The following GAS6 variants were observed in gnomAD, a reference collection of about 807,000 sequenced individuals.
The protein encoded by GAS6 is growth arrest-specific protein 6.
GAS6 carries 41 observed loss-of-function variants against 75.8 expected under a neutral mutation model. The observed-to-expected ratio is 0.54, with a 90% CI of 0.42 to 0.70. The LOEUF (loss-of-function observed/expected upper bound fraction) is 0.70, where lower values mean the gene tolerates loss of function less well. Ranked by LOEUF, GAS6 falls within the 30% of genes least tolerant of loss-of-function variation. The pLI is 0.00. For synonymous variants in GAS6, 432 were observed against 412.6 expected, an observed-to-expected ratio of 1.05 and a Z score of -0.57; for missense variants, 854 against 940.2, an observed-to-expected ratio of 0.91 and a Z score of 1.20.
intron 3 of GAS6, chr13:113,847,760 A>C: frequency 2.0e-6 from 1 of 497,124 alleles, no homozygotes; most frequent in Non-Finnish European, 3.6e-6. Context: ...CCTGACAAGG[A>C]GCTGAGCCTG....
At chr13:113,838,028 G>A (rs745529921) in intron 6 of GAS6, 41 bp downstream of exon 6, 1 of 1,606,532 alleles carries the variant, frequency 6.2e-7, no homozygotes, top group East Asian at 2.2e-5. Flanking sequence ...ATAGAAGGTG[G>A]GGAGAGGAGA....
chr13:113,840,153 C>T (rs1038307146), intron 4 of GAS6: 3 of 372,326 alleles, frequency 8.1e-6, no homozygotes, highest in Middle Eastern at 7.7e-4. Flanking sequence ...TGGCGTGAGG[C>T]CTGGGAGCTC....
At chr13:113,862,824 T>C (rs904966932) in intron 2 of GAS6, among the ~76,000 whole-genome samples, 1 of 152,192 alleles carries the variant, frequency 6.6e-6, no homozygotes, top group Non-Finnish European at 1.5e-5. Context: ...GAAATCACCC[T>C]GACTTCAGGG....
At position 113,847,981 on chromosome 13, in the gene GAS6, C is replaced by A. The variant is rs374984678; in HGVS notation, c.280+45G>T. On this transcript the variant is annotated intron_variant, in intron 3 of 14. Coordinates refer to ENST00000327773, the MANE Select transcript of GAS6 (RefSeq NM_000820.4). ...TCCAACATGAAACACGCACCCCCAACTATGCCTCTACGACAACCAGAGTAG... is the reference window on the plus strand; with the variant it reads ...TCCAACATGAAACACGCACCCCCAAATATGCCTCTACGACAACCAGAGTAG... The A allele has an allele frequency of 3.8e-6, 6 of 1,577,184 alleles. No individual in the cohort carries two copies. In the African/African-American group the frequency reaches 8.1e-5, roughly 21 times the overall value.
At chr13:113,852,405 C>T (rs906011289) in intron 2 of GAS6, among the ~76,000 whole-genome samples, 1 of 152,150 alleles carries the variant, frequency 6.6e-6, no homozygotes, top group African/African-American at 2.4e-5. Flanking sequence ...GTGCCCGTTG[C>T]CCTTCGGTTT....
intron 4 of GAS6, 76 bp from the exon 5 acceptor site, chr13:113,839,926 C>A (rs949906421): frequency 1.1e-5 from 17 of 1,604,890 alleles, no homozygotes; most frequent in South Asian, 8.8e-5. Flanking sequence ...GAGATCGGGG[C>A]GGCTGTGGGG....
In GAS6 at chr13:113,837,856, G is replaced by A. The variant is rs1251954278; in HGVS notation, c.589+213C>T. On this transcript the variant is annotated intron_variant, in intron 6 of 14. Transcript: ENST00000327773. The surrounding 1 kb of genome is among the most constrained non-coding windows in gnomAD (Gnocchi z 5.1). ...GGCTGGGCCGGCCCCCTGAGTCCTG[G>A]CCCTCAGATGCCGGGTGAGTCATCC... Among the ~76,000 whole-genome samples the A allele has an allele frequency of 1.3e-5, 2 of 152,174 alleles. No homozygotes were observed. Among genetic ancestry groups the A allele is most frequent in the Non-Finnish European group, 2.9e-5 (2 of 68,020 alleles).
At chr13:113,847,221 G>A in intron 3 of GAS6, 1 of 269,390 alleles carries the variant, frequency 3.7e-6, no homozygotes, top group Non-Finnish European at 7.4e-6. Flanking sequence ...GGTGTGCTGT[G>A]GACCGCTGGC....
intron 2 of GAS6, among the ~76,000 whole-genome samples, chr13:113,854,585 G>A (rs754083557): frequency 1.1e-4 from 16 of 152,270 alleles, no homozygotes; most frequent in Non-Finnish European, 2.1e-4. Context: ...GCATGTGAGC[G>A]TGGACGCAGG....
In GAS6 at chr13:113,828,680, A is replaced by T; in HGVS notation, c.1175T>A (p.Val392Asp). The stretch of plus-strand genomic sequence containing the variant: ...GACAGCATCCCTGTTGACCTTGATG[A>T]CCAGATTCCGCGCCAGCTCCTCAAC... Reference protein sequence around the residue: ...ISVEELARNLVIKVNRDAVMK... With the variant: ...ISVEELARNLDIKVNRDAVMK... Residue 392 changes from valine (V) to aspartate (D), a missense_variant, in exon 11 of 15, where the codon GTC (valine) becomes GAC (aspartate). Val to Asp is a radical substitution (Grantham distance 152). Coordinates refer to ENST00000327773, the MANE Select transcript of GAS6 (RefSeq NM_000820.4). 1.9e-6 allele frequency: 3 copies of T among 1,613,488 alleles called. No homozygotes were observed. Among genetic ancestry groups the T allele is most frequent in the Non-Finnish European group, 2.5e-6 (3 of 1,179,978 alleles).
chr13:113,835,119 G>A (rs1185956211), intron 7 of GAS6, among the ~76,000 whole-genome samples: 1 of 152,240 alleles, frequency 6.6e-6, no homozygotes, highest in South Asian at 2.1e-4. Context: ...CCATCACTGG[G>A]GGCACGGCCC....
rs905606667 is a variant in GAS6, at chr13:113,838,151, C to G, written c.507G>C (p.Gln169His). The G allele has an allele frequency of 5.0e-6, 8 of 1,612,934 alleles. No homozygotes were observed. In the African/African-American group the frequency reaches 5.3e-5, roughly 11 times the overall value. ...AGCTACCCGGCTTGTTGTGGCAGAT[C>G]TGGAGGCAGCCCCCGTTCTCCTGGC... is the stretch of plus-strand genomic sequence containing the variant. The part of the protein sequence containing the change: ...ECSQENGGCL[Q>H]ICHNKPGSFH... Residue 169 changes from glutamine (Q) to histidine (H), a missense_variant, in exon 6 of 15, where the codon CAG (glutamine) becomes CAC (histidine). Transcript: ENST00000327773.
chr13:113,839,544 G>C, intron 5 of GAS6, 184 bp downstream of exon 5: 4 of 695,702 alleles, frequency 5.7e-6, no homozygotes, highest in Non-Finnish European at 6.9e-6. Context: ...CCTGCTCCCA[G>C]AAAGGAGACT....
Position 113,838,136 on chromosome 13 carries a change from CTTG to C in GAS6, c.519_521del (p.Asn173del). On this transcript the variant is annotated inframe_deletion, in exon 6 of 15. Coordinates refer to ENST00000327773, the MANE Select transcript of GAS6 (RefSeq NM_000820.4). ...GGCAGGAACAGTGGAAGCTACCCGG[CTTG>C]TTGTGGCAGATCTGGAGGCAGCCCC... is the stretch of plus-strand genomic sequence containing the variant. 6.2e-7 allele frequency: 1 copy of C among 1,612,892 alleles called. No individual in the cohort carries two copies. Among genetic ancestry groups the C allele is most frequent in the Non-Finnish European group, 8.5e-7 (1 of 1,179,922 alleles).
chr13:113,824,097 CCGCG>C (rs1566352466), intron 12 of GAS6, among the ~76,000 whole-genome samples: 3 of 88,874 alleles, frequency 3.4e-5, no homozygotes, highest in African/African-American at 1.5e-4. Flanking sequence ...TCAGGAGCAC[CCGCG>C]GTCTGAGTTC....
intron 12 of GAS6, 48 bp from the exon 13 acceptor site, chr13:113,823,598 CCA>C: frequency 1.3e-6 from 2 of 1,551,774 alleles, no homozygotes; most frequent in Non-Finnish European, 1.8e-6. Context: ...GGTGGAGAGG[CCA>C]CAGTGAGGTC....
chr13:113,847,022 C>T (rs2051839398), intron 3 of GAS6: 1 of 508,314 alleles, frequency 2.0e-6, no homozygotes, highest in South Asian at 1.5e-5. Flanking sequence ...TGGCTGAACA[C>T]AGCTTGACAG....
At chr13:113,836,874 AGAGGAG>A (rs1476483439) in intron 6 of GAS6, among the ~76,000 whole-genome samples, 1 of 6,694 alleles carries the variant, frequency 1.5e-4, no homozygotes, top group African/African-American at 7.6e-4. Flanking sequence ...GGGAGTGGGG[AGAGGAG>A]GAGGGGGAGT....
In GAS6 at chr13:113,837,073, T is replaced by A. The variant is rs1170471433; in HGVS notation, c.589+996A>T. 6.6e-6 allele frequency among the ~76,000 whole-genome samples: 1 copy of A among 151,770 alleles called. No individual in the cohort carries two copies. The highest frequency in any genetic ancestry group is 1.5e-5 in the Non-Finnish European group (1 of 67,912). On this transcript the variant is annotated intron_variant, in intron 6 of 14. Coordinates refer to ENST00000327773, the MANE Select transcript of GAS6 (RefSeq NM_000820.4). The surrounding 1 kb of genome is among the most constrained non-coding windows in gnomAD (Gnocchi z 5.1). ...TCATCTCTCAGGATCGGCCTAGTCT[T>A]CACCTCTCTTTAAACCTGGGGTGCT...
Sources: gnomAD v4.1 joint callset for allele counts (sites outside exome capture counted in the v4.1 genomes callset) on GRCh38, gnomAD v4.1.1 for gene constraint, Gnocchi (gnomAD v3.1) non-coding constraint, MANE v1.5 for transcripts, NCBI Gene and HGNC (gene_info 2026-07-23, HGNC 2026-07-21) for gene names.